NOP9: variants seen among roughly 807,000 people sequenced by gnomAD.
NOP9 encodes the protein nucleolar protein 9.
In NOP9, 50 loss-of-function variants were observed where a neutral mutation model predicts 63.0. The observed-to-expected ratio is 0.79, with a 90% confidence interval of 0.63 to 1.00. NOP9 has a LOEUF of 1.00. Ranked by LOEUF, NOP9 falls within the 50% of genes least tolerant of loss-of-function variation. The pLI, the probability that NOP9 is intolerant of heterozygous loss-of-function variation, is 0.00. For synonymous variants in NOP9, 343 were observed against 332.8 expected (o/e 1.03, Z -0.33); for missense variants, 758 against 803.0 (o/e 0.94, Z 0.68).
chr14:24,292,829 T>C, the NOP9 span: 1 of 1,573,542 alleles, frequency 6.4e-7, no homozygotes, highest in Non-Finnish European at 8.6e-7. Flanking sequence ...GTGTTAGTGC[T>C]GGCCTGGGTG....
chr14:24,305,618 G>C lies in NOP9; in HGVS notation c.*523G>C, dbSNP rs2041474008. 6.2e-7 allele frequency: 1 copy of C among 1,605,362 alleles called. No individual in the cohort carries two copies. The highest frequency in any genetic ancestry group is 1.1e-5 in the South Asian group (1 of 89,844). ...GTCGGTTGGAATGATTCTGGGGGCA[G>C]AAGCTCAGAGCCCCTTAGTAGGAAT... On this transcript the variant is annotated 3_prime_UTR_variant, in exon 10 of 10. Coordinates refer to ENST00000267425, the MANE Select transcript of NOP9 (RefSeq NM_174913.3).
chr14:24,307,840 G>A lies in NOP9; in HGVS notation c.*2745G>A. The A allele has an allele frequency of 6.3e-7, 1 of 1,595,266 alleles. No homozygotes were observed. Among genetic ancestry groups the A allele is most frequent in the Non-Finnish European group, 8.5e-7 (1 of 1,170,570 alleles). On this transcript the variant is annotated 3_prime_UTR_variant, in exon 10 of 10. Transcript: ENST00000267425. ...CACCTGAGTAAGTCACTGGGGTTCA[G>A]AGCTGAGAGGTACTCCATGGTGGAC...
chr14:24,298,001 A>C (rs1023275723), upstream of NOP9, among the ~76,000 whole-genome samples: 1 of 152,126 alleles, frequency 6.6e-6, no homozygotes, highest in Non-Finnish European at 1.5e-5. Context: ...CATTGAAGTG[A>C]CTGCTTTCTG....
chr14:24,296,465 C>T, upstream of NOP9: 2 of 1,602,224 alleles, frequency 1.2e-6, no homozygotes, highest in Non-Finnish European at 1.7e-6. Flanking sequence ...GTCGAGTTGG[C>T]TAAGTGAGTG....
intron 5 of NOP9, 120 bp from the exon 6 acceptor site, chr14:24,302,954 C>A: frequency 8.2e-7 from 1 of 1,212,242 alleles, no homozygotes; most frequent in Non-Finnish European, 1.1e-6. Flanking sequence ...AGTCCTGATA[C>A]TGGCAATGCT....
chr14:24,301,203 C>G (rs972599030), intron 2 of NOP9, among the ~76,000 whole-genome samples: 1 of 152,090 alleles, frequency 6.6e-6, no homozygotes, highest in East Asian at 1.9e-4. Flanking sequence ...GCAGCCCACT[C>G]TGTTATTTTT....
intron 2 of NOP9, 114 bp from the exon 3 acceptor site, chr14:24,301,498 G>A (rs1430044925): frequency 2.4e-6 from 3 of 1,267,108 alleles, no homozygotes; most frequent in Non-Finnish European, 3.3e-6. Flanking sequence ...ACATTTAGTT[G>A]TACTACATCT....
the NOP9 span, chr14:24,291,420 C>T: frequency 5.4e-6 from 6 of 1,113,492 alleles, no homozygotes; most frequent in Middle Eastern, 2.7e-4. Context: ...GGAATGCTGA[C>T]CCCTTGGGCC....
At chr14:24,276,246 A>T in the NOP9 span, among the ~76,000 whole-genome samples, 15 of 151,704 alleles carry the variant, frequency 9.9e-5, no homozygotes, top group Admixed American at 2.6e-4. Flanking sequence ...GCGTGGTGGT[A>T]CGTGCCTGTA....
the NOP9 span, among the ~76,000 whole-genome samples, chr14:24,290,088 C>G: frequency 6.6e-6 from 1 of 152,260 alleles, no homozygotes; most frequent in African/African-American, 2.4e-5. Flanking sequence ...TTGCCTCAGG[C>G]TAGGACAGCC....
chr14:24,290,836 G>A, the NOP9 span: 1 of 1,613,306 alleles, frequency 6.2e-7, no homozygotes, highest in Non-Finnish European at 8.5e-7. Flanking sequence ...GACAAGCAGA[G>A]ACGTAGTGTC....
chr14:24,295,805 C>T (rs1271318660), upstream of NOP9, among the ~76,000 whole-genome samples: 1 of 152,140 alleles, frequency 6.6e-6, no homozygotes. Context: ...ACCAGAGTAC[C>T]AAAATTGGAG....
rs574566559 is a variant in NOP9 at position 24,304,590 on chromosome 14, C to G, written c.1745C>G (p.Ala582Gly). 1 of 1,609,366 alleles carries G rather than the reference C, an allele frequency of 6.2e-7. No individual in the cohort carries two copies. The highest frequency in any genetic ancestry group is 2.2e-5 in the East Asian group (1 of 44,878). ...AALRARKEIAAELGEQNQELI... is the reference protein window; with the variant it reads ...AALRARKEIAGELGEQNQELI... ...TTGAGGGCCCGGAAGGAAATTGCTG[C>G]TGAGCTTGGTGAGTACCAGCCCCTC... Residue 582 changes from alanine to glycine, a missense_variant, in exon 9 of 10, where the codon GCT becomes GGT. Transcript: ENST00000267425.
Position 24,303,843 on chromosome 14 carries a change from C to T in NOP9, c.1396C>T (p.Pro466Ser). 6.2e-7 allele frequency: 1 copy of T among 1,614,078 alleles called. No homozygotes were observed. Among genetic ancestry groups the T allele is most frequent in the East Asian group, 2.2e-5 (1 of 44,878 alleles). Reference sequence around the variant, plus strand: ...ACTGACGGAGGAGGAGGGGGCAGTGCCTGCAGAGCACCAGGTGAGGTAGGG... The same window carrying T: ...ACTGACGGAGGAGGAGGGGGCAGTGTCTGCAGAGCACCAGGTGAGGTAGGG... ...YGLTEEEGAV[P>S]AEHQVAMAAA... is the part of the protein sequence containing the mutation. Residue 466 changes from proline to serine, a missense_variant, in exon 7 of 10, where the codon CCT becomes TCT. By Grantham distance (74) the Pro-to-Ser change is moderately conservative (BLOSUM62 -1). Transcript: ENST00000267425.
chr14:24,273,367 C>T, the NOP9 span, among the ~76,000 whole-genome samples: 117 of 152,100 alleles, frequency 7.7e-4, 1 homozygote, highest in East Asian at 0.021. Flanking sequence ...TTAGAAGAGA[C>T]GGGGTTTCAC....
rs1335923933 is a variant in NOP9, at chr14:24,308,177, C to A, written c.*3082C>A. Reference sequence around the variant, plus strand: ...CATGTAAAAGGATGAAATGTGACTTCTGGTGTTTTTTTATTTCTATGGAGG... The same window carrying A: ...CATGTAAAAGGATGAAATGTGACTTATGGTGTTTTTTTATTTCTATGGAGG... On this transcript the variant is annotated 3_prime_UTR_variant, in exon 10 of 10. Coordinates refer to ENST00000267425, the MANE Select transcript of NOP9 (RefSeq NM_174913.3). 5.2e-6 allele frequency: 2 copies of A among 385,224 alleles called. No homozygotes were observed. Among genetic ancestry groups the A allele is most frequent in the Non-Finnish European group, 4.8e-6 (1 of 209,494 alleles). 23.9% of individuals were successfully genotyped at this position (385,224 alleles called of 1,614,324 possible).
chr14:24,286,321 G>A, the NOP9 span, among the ~76,000 whole-genome samples: 2 of 152,188 alleles, frequency 1.3e-5, no homozygotes. Flanking sequence ...CACCTTCACT[G>A]CATCACATCC....
the NOP9 span, among the ~76,000 whole-genome samples, chr14:24,275,928 T>C: frequency 1.3e-5 from 2 of 152,212 alleles, no homozygotes; most frequent in Non-Finnish European, 2.9e-5. Context: ...CACTGTCCGA[T>C]AGAACTTTCT....
At chr14:24,304,704 A>C in intron 9 of NOP9, 106 bp downstream of exon 9, 1 of 1,015,026 alleles carries the variant, frequency 9.9e-7, no homozygotes, top group South Asian at 1.7e-5. Flanking sequence ...TTTAGTTCCA[A>C]AGGGTGGTCT....
Sources: gnomAD v4.1 joint callset for allele counts (sites outside exome capture counted in the v4.1 genomes callset) on GRCh38, gnomAD v4.1.1 for gene constraint, MANE v1.5 for transcripts, NCBI Gene and HGNC (gene_info 2026-07-23, HGNC 2026-07-21) for gene names.